MADD: variants seen among roughly 807,000 people sequenced by gnomAD.
MADD encodes the protein MAP kinase activating death domain.
In MADD, 109 loss-of-function variants were observed where a neutral mutation model predicts 176.7. That is an observed-to-expected ratio of 0.62 (90% CI 0.53 to 0.72). The LOEUF is 0.72. Ranked by LOEUF, MADD falls within the 30% of genes least tolerant of loss-of-function variation. The pLI, the probability that MADD is intolerant of heterozygous loss-of-function variation, is 0.00. For missense variants in MADD, 1,914 were observed against 2,045.5 expected (o/e 0.94, Z 1.24); for synonymous variants, 771 against 771.3 (o/e 1.00, Z 0.01).
At chr11:47,308,793 G>T in intron 23 of MADD, 94 bp downstream of exon 25, 1 of 1,153,940 alleles carries the variant, frequency 8.7e-7, no homozygotes, top group Non-Finnish European at 1.3e-6. Flanking sequence ...TTGTCTTTCT[G>T]CTGATCTTAA....
chr11:47,290,172 G>A (rs2063972314), exon 18 of MADD: 2 of 1,614,050 alleles, frequency 1.2e-6, no homozygotes, highest in South Asian at 1.1e-5. Flanking sequence ...AGGTGTACAA[G>A]GGAATGTTAG....
At chr11:47,327,870 T>TG (rs2095625944) in intron 31 of MADD, 1 of 985,354 alleles carries the variant, frequency 1.0e-6, no homozygotes, top group Non-Finnish European at 1.2e-6. Context: ...TGGCTGAGCC[T>TG]GGGGGGCCTA....
At chr11:47,294,384 C>T (rs906785140) in intron 20 of MADD, among the ~76,000 whole-genome samples, 6 of 150,074 alleles carry the variant, frequency 4.0e-5, no homozygotes, top group Admixed American at 6.7e-5. Flanking sequence ...AATAAAATAG[C>T]CAGGTGCGGT....
At chr11:47,281,476 C>T (rs1165309474) in intron 7 of MADD, 99 bp from the exon 8 acceptor site, 22 of 914,842 alleles carry the variant, frequency 2.4e-5, no homozygotes, top group Middle Eastern at 3.8e-4. Context: ...CCAGAGAATA[C>T]GAGGTAGCAG....
intron 22 of MADD, among the ~76,000 whole-genome samples, chr11:47,297,454 T>TC (rs943999352): frequency 2.0e-5 from 3 of 151,418 alleles, no homozygotes; most frequent in East Asian, 1.9e-4. Context: ...TCTTTTCTTT[T>TC]TTTTTTTTTT....
intron 22 of MADD, among the ~76,000 whole-genome samples, chr11:47,306,749 T>G (rs185482801): frequency 1.3e-5 from 2 of 152,290 alleles, no homozygotes; most frequent in East Asian, 3.9e-4. Flanking sequence ...ACAGTCTCCC[T>G]CAGTTATTTT....
chr11:47,309,723 G>A, intron 25 of MADD, 111 bp downstream of exon 28: 1 of 749,726 alleles, frequency 1.3e-6, no homozygotes, highest in Non-Finnish European at 2.3e-6. Flanking sequence ...CTTAACTTAG[G>A]GCTATCTTCT....
rs76632038 is a variant in MADD, at chr11:47,285,534, A to G, written c.2495A>G (p.Asn832Ser). ...TCAGACTCTCGGGCAAGCTCTCCCA[A>G]CTCCACCGTCTCCAACACCAGCACC... Residue 832 changes from asparagine to serine, a missense_variant, in exon 14 of 33, where the codon AAC becomes AGC. Asn to Ser is a conservative substitution (Grantham distance 46). Coordinates refer to ENST00000402192, the Ensembl canonical transcript of MADD. 2.1e-5 allele frequency: 34 copies of G among 1,613,736 alleles called. No homozygotes were observed. In the East Asian group the frequency reaches 7.6e-4, roughly 36 times the overall value.
exon 4 of MADD, chr11:47,275,938 A>G (rs2049454324): frequency 6.2e-7 from 1 of 1,613,362 alleles, no homozygotes; most frequent in Non-Finnish European, 8.5e-7. Context: ...CGCTGCTGGT[A>G]GAGGAGAAGT....
At chr11:47,276,018 C>A (rs372548440) in exon 4 of MADD, 3 of 1,614,082 alleles carry the variant, frequency 1.9e-6, no homozygotes, top group Non-Finnish European at 2.5e-6. Flanking sequence ...TCCCCAGTAC[C>A]CGTCTCTGGG....
chr11:47,271,018 G>A (rs1962299539), intron 1 of MADD: 1 of 152,252 alleles, frequency 6.6e-6, no homozygotes, highest in Non-Finnish European at 1.5e-5. Context: ...GGGTTGGTTA[G>A]CATGGCTATT....
At chr11:47,284,489 A>G in exon 12 of MADD, 1 of 1,614,126 alleles carries the variant, frequency 6.2e-7, no homozygotes, top group Non-Finnish European at 8.5e-7. Flanking sequence ...AACTCTCAGG[A>G]AAACCCCCCA....
At chr11:47,282,700 A>G in intron 9 of MADD, 84 bp downstream of exon 9, 1 of 1,587,490 alleles carries the variant, frequency 6.3e-7, no homozygotes, top group Non-Finnish European at 8.6e-7. Flanking sequence ...CTAATGTTTG[A>G]CCTGTGCCTT....
intron 27 of MADD, among the ~76,000 whole-genome samples, chr11:47,321,936 C>T (rs560659013): frequency 1.3e-5 from 2 of 152,114 alleles, no homozygotes; most frequent in South Asian, 4.2e-4. Context: ...ACATGTGAAG[C>T]ATCCAGACAC....
chr11:47,278,984 A>G lies in MADD; in HGVS notation c.1210-15A>G, dbSNP rs7943429. On this transcript the variant is annotated splice_polypyrimidine_tract_variant and intron_variant, in intron 6 of 32. Transcript: ENST00000402192. Reference sequence around the variant, plus strand: ...AAACTCTAAGGTCACGTCTTTTATCATTTCTCTGGTGCAGGTGATTGCCCC... The same window carrying G: ...AAACTCTAAGGTCACGTCTTTTATCGTTTCTCTGGTGCAGGTGATTGCCCC... The G allele has an allele frequency of 0.04, 63,742 of 1,612,822 alleles. 1,696 individuals carry two copies. Among genetic ancestry groups the G allele is most frequent in the South Asian group, 0.11 (10,275 of 91,046 alleles).
intron 27 of MADD, among the ~76,000 whole-genome samples, chr11:47,316,033 T>A (rs1043419192): frequency 1.3e-5 from 2 of 149,684 alleles, no homozygotes; most frequent in African/African-American, 4.9e-5. Context: ...GGTTTCACCA[T>A]GTTCGTTGGC....
chr11:47,317,673 G>A (rs1021084737), intron 27 of MADD, among the ~76,000 whole-genome samples: 1 of 152,144 alleles, frequency 6.6e-6, no homozygotes, highest in Admixed American at 6.6e-5. Flanking sequence ...AGTGGGCTCA[G>A]ATGTGGGCAA....
chr11:47,302,660 T>C (rs1427594763), intron 22 of MADD, among the ~76,000 whole-genome samples: 1 of 152,194 alleles, frequency 6.6e-6, no homozygotes, highest in Admixed American at 6.5e-5. Flanking sequence ...GAGTTTCTTG[T>C]AGGCAGCATA....
At chr11:47,289,441 C>G (rs1646768431) in exon 16 of MADD, 15 of 1,614,118 alleles carry the variant, frequency 9.3e-6, no homozygotes, top group Non-Finnish European at 1.3e-5. Flanking sequence ...TAAACACAGC[C>G]CAACAGTGAA....
Sources: gnomAD v4.1 joint callset for allele counts (sites outside exome capture counted in the v4.1 genomes callset) on GRCh38, gnomAD v4.1.1 for gene constraint, MANE v1.5 for transcripts, NCBI Gene and HGNC (gene_info 2026-07-23, HGNC 2026-07-21) for gene names.